TBC1D8: variants seen among roughly 807,000 people sequenced by gnomAD.
The protein encoded by TBC1D8 is TBC1 domain family member 8, also known as BUB2-like protein 1.
In TBC1D8, 65 loss-of-function variants were observed where a neutral mutation model predicts 118.8. The ratio of observed to expected loss-of-function variants is 0.55; its 90% confidence interval spans 0.45 to 0.67. TBC1D8 has a LOEUF of 0.67. Ranked by LOEUF, TBC1D8 falls within the 30% of genes least tolerant of loss-of-function variation. The pLI is 0.00. For synonymous variants in TBC1D8, 566 were observed against 595.8 expected (o/e 0.95, Z 0.73); for missense variants, 1,376 against 1,471.2 (o/e 0.94, Z 1.06).
intron 6 of TBC1D8, 87 bp downstream of exon 6, chr2:101,040,091 C>T: frequency 6.8e-7 from 1 of 1,469,302 alleles, no homozygotes; most frequent in Non-Finnish European, 9.3e-7. Context: ...TCTGAACTTC[C>T]CCTCCCACAC....
At chr2:101,017,723 C>A in intron 17 of TBC1D8, 2 of 931,504 alleles carry the variant, frequency 2.1e-6, no homozygotes, top group South Asian at 1.6e-5. Context: ...TGGTACATCA[C>A]TTTATCACAG....
At chr2:101,096,419 C>CAA (rs55824667) in intron 1 of TBC1D8, among the ~76,000 whole-genome samples, 13,454 of 43,788 alleles carry the variant, frequency 0.31, 4,195 homozygotes, top group Non-Finnish European at 0.39. Context: ...TGGCTTTTGA[C>CAA]AAAAAAAAAA....
chr2:101,014,921 T>A (rs1279579843), intron 17 of TBC1D8, among the ~76,000 whole-genome samples: 1 of 152,208 alleles, frequency 6.6e-6, no homozygotes, highest in Non-Finnish European at 1.5e-5. Flanking sequence ...TCCCATTCCA[T>A]AATGCTTGTA....
chr2:101,143,623 G>T (rs971786270), intron 1 of TBC1D8, among the ~76,000 whole-genome samples: 1 of 152,090 alleles, frequency 6.6e-6, no homozygotes, highest in South Asian at 2.1e-4. Flanking sequence ...GCAGTGGTAC[G>T]ATCACAGTTC....
At position 101,040,783 on chromosome 2, in the gene TBC1D8, T is replaced by C. The variant is rs375877365; in HGVS notation, c.873-398A>G. Among the ~76,000 whole-genome samples the C allele has an allele frequency of 2.5e-3, 384 of 152,356 alleles. 3 individuals carry two copies. Among genetic ancestry groups the C allele is most frequent in the African/African-American group, 8.3e-3 (346 of 41,592 alleles). On this transcript the variant is annotated intron_variant, in intron 5 of 19. Transcript: ENST00000409318. ...CCGCGCCCAGCCAAGAAAATACTTT[T>C]AAAGCCACTGGCACAATTTGTATTT...
intron 1 of TBC1D8, among the ~76,000 whole-genome samples, chr2:101,115,700 G>A (rs1192252109): frequency 6.6e-6 from 1 of 152,080 alleles, no homozygotes; most frequent in South Asian, 2.1e-4. Flanking sequence ...GCAATGAGCC[G>A]AGATTGTACC....
intron 14 of TBC1D8, 38 bp downstream of exon 14, chr2:101,028,010 A>C: frequency 6.7e-5 from 108 of 1,600,674 alleles, no homozygotes; most frequent in Non-Finnish European, 8.6e-5. Flanking sequence ...TTGGCTCCCC[A>C]ATACCGTGAT....
chr2:101,049,806 T>C (rs1573936915), intron 5 of TBC1D8, among the ~76,000 whole-genome samples: 1 of 151,882 alleles, frequency 6.6e-6, no homozygotes, highest in Admixed American at 6.6e-5. Context: ...CACAGATTTC[T>C]ATTATGCAGC....
Position 101,029,768 on chromosome 2 carries a change from C to G in TBC1D8, c.1945G>C (p.Val649Leu). 1 of 1,612,310 alleles carries G rather than the reference C, an allele frequency of 6.2e-7. No homozygotes were observed. The highest frequency in any genetic ancestry group is 8.5e-7 in the Non-Finnish European group (1 of 1,178,462). The change falls in exon 12 of 20, where the codon GTT (valine) becomes CTT (leucine). Residue 649 changes from valine to leucine, a missense_variant. Val to Leu is a conservative substitution (Grantham distance 32, BLOSUM62 1). Transcript: ENST00000409318. ...YFNHRVIGAQ[V>L]DQSVFEELIK... ...AGCTCCTCGAAGACAGACTGGTCAA[C>G]TTGTGCCCCTGGAAAAGAAAGGGCA...
chr2:101,081,744 G>A (rs1242750562), intron 2 of TBC1D8, among the ~76,000 whole-genome samples: 1 of 152,198 alleles, frequency 6.6e-6, no homozygotes. Context: ...GAATGATCTA[G>A]GCAGATAATT....
intron 1 of TBC1D8, among the ~76,000 whole-genome samples, chr2:101,113,274 C>T (rs1396150366): frequency 6.6e-6 from 1 of 152,036 alleles, no homozygotes; most frequent in Non-Finnish European, 1.5e-5. Context: ...TAAGCTTAAT[C>T]GCTCATCTTG....
intron 1 of TBC1D8, among the ~76,000 whole-genome samples, chr2:101,148,531 A>C (rs1679412844): frequency 6.6e-6 from 1 of 152,248 alleles, no homozygotes; most frequent in Admixed American, 6.5e-5. Context: ...AAAGAGAGAG[A>C]GAGCATGTAT....
At chr2:101,034,442 C>T (rs1041044678) in intron 9 of TBC1D8, among the ~76,000 whole-genome samples, 6 of 152,292 alleles carry the variant, frequency 3.9e-5, no homozygotes, top group Non-Finnish European at 2.9e-5. Context: ...AGCAGCACGG[C>T]GCCCACATGC....
intron 5 of TBC1D8, among the ~76,000 whole-genome samples, chr2:101,046,913 C>T (rs1573931643): frequency 1.3e-5 from 2 of 152,184 alleles, no homozygotes; most frequent in African/African-American, 4.8e-5. Flanking sequence ...TTCAGCCAGT[C>T]AAAACAGATT....
intron 1 of TBC1D8, among the ~76,000 whole-genome samples, chr2:101,095,207 G>A (rs1157901608): frequency 6.6e-6 from 1 of 151,814 alleles, no homozygotes; most frequent in Non-Finnish European, 1.5e-5. Flanking sequence ...TCCTCAGGCC[G>A]TTCTCCATTA....
chr2:101,080,119 T>C (rs1675163849), intron 2 of TBC1D8, among the ~76,000 whole-genome samples: 1 of 152,136 alleles, frequency 6.6e-6, no homozygotes, highest in Non-Finnish European at 1.5e-5. Context: ...GAAGAATGCC[T>C]TGGATGAGTG....
At chr2:101,040,118 C>A in intron 6 of TBC1D8, 60 bp downstream of exon 6, 1 of 1,569,312 alleles carries the variant, frequency 6.4e-7, no homozygotes, top group Non-Finnish European at 8.7e-7. Flanking sequence ...TCACAGCCAG[C>A]AACCTTGTGT....
rs779382655 is a variant in TBC1D8, at chr2:101,050,626, G to A, written c.647C>T (p.Pro216Leu). 21 of 1,613,546 alleles carry A rather than the reference G, an allele frequency of 1.3e-5. No homozygotes were observed. The highest frequency in any genetic ancestry group is 1.7e-5 in the Non-Finnish European group (20 of 1,179,840). The stretch of plus-strand genomic sequence containing the variant: ...TTCTAATTTCTGGATATCAACCCAC[G>A]GAACCACAAGTTTAACTGTAAGAGA... ...FLGKELKLVV[P>L]WVDIQKLERT... The change falls in exon 5 of 20, where the codon CCG (proline) becomes CTG (leucine). Residue 216 changes from proline (P) to leucine (L), a missense_variant. Physicochemically the swap from Pro to Leu is moderately conservative, Grantham distance 98. Coordinates refer to ENST00000409318, the MANE Select transcript of TBC1D8 (RefSeq NM_001330348.2).
chr2:101,037,190 A>G (rs1247515359), intron 8 of TBC1D8, among the ~76,000 whole-genome samples: 1 of 152,250 alleles, frequency 6.6e-6, no homozygotes, highest in African/African-American at 2.4e-5. Context: ...AGACAAAAAA[A>G]AAGGAAAAAG....
Sources: gnomAD v4.1 joint callset for allele counts (sites outside exome capture counted in the v4.1 genomes callset) on GRCh38, gnomAD v4.1.1 for gene constraint, MANE v1.5 for transcripts, NCBI Gene and HGNC (gene_info 2026-07-23, HGNC 2026-07-21) for gene names.